Variants in PES1 observed in about 807,000 individuals in gnomAD.
The protein encoded by PES1 is pescadillo ribosomal biogenesis factor 1.
In PES1, 31 loss-of-function variants were observed where a neutral mutation model predicts 77.1. The ratio of observed to expected loss-of-function variants is 0.40; its 90% confidence interval spans 0.30 to 0.54. PES1 has a LOEUF of 0.54. PES1 is among the 20% of genes least tolerant of loss of function. The pLI is 0.45. For synonymous variants in PES1, 282 were observed against 303.0 expected, an observed-to-expected ratio of 0.93 and a Z score of 0.72; for missense variants, 658 against 771.7, an observed-to-expected ratio of 0.85 and a Z score of 1.75.
chr22:30,600,016 C>G (rs1193147312), intron 2 of PES1, among the ~76,000 whole-genome samples: 1 of 151,586 alleles, frequency 6.6e-6, no homozygotes, highest in African/African-American at 2.4e-5. Context: ...CATTAAATGC[C>G]TGGGTCATTT....
At chr22:30,577,742 T>C (rs1569019454) in intron 14 of PES1, among the ~76,000 whole-genome samples, 2 of 152,256 alleles carry the variant, frequency 1.3e-5, no homozygotes, top group South Asian at 4.1e-4. Context: ...GTGATCCTCC[T>C]GTCTTGGTAT....
At chr22:30,588,195 G>A (rs2087122329) in intron 2 of PES1, 21 bp from the exon 3 acceptor site, 1 of 1,614,050 alleles carries the variant, frequency 6.2e-7, no homozygotes, top group Non-Finnish European at 8.5e-7. Context: ...GAGGCCATCT[G>A]TTATGTCAGT....
At chr22:30,580,278 A>C in intron 10 of PES1, 100 bp from the exon 11 acceptor site, 10 of 1,451,972 alleles carry the variant, frequency 6.9e-6, no homozygotes, top group Non-Finnish European at 9.3e-6. Flanking sequence ...CCATAAACTC[A>C]CCCTCTTAGG....
intron 2 of PES1, among the ~76,000 whole-genome samples, chr22:30,596,936 G>C (rs2087261597): frequency 6.7e-6 from 1 of 149,142 alleles, no homozygotes; most frequent in Non-Finnish European, 1.5e-5. Flanking sequence ...GCGTGAGCTT[G>C]GCGGGCCCGC....
At chr22:30,599,383 G>A (rs1036027339) in intron 2 of PES1, among the ~76,000 whole-genome samples, 5 of 152,082 alleles carry the variant, frequency 3.3e-5, no homozygotes, top group Non-Finnish European at 7.3e-5. Flanking sequence ...TATAAACCCA[G>A]CCGAAACCAA....
chr22:30,591,974 A>G (rs1020150746), upstream of PES1: 4 of 1,389,014 alleles, frequency 2.9e-6, no homozygotes, highest in Non-Finnish European at 3.7e-6. Flanking sequence ...ATGCCTGTAC[A>G]AGTCCAGGGA....
intron 2 of PES1, among the ~76,000 whole-genome samples, chr22:30,602,687 G>A (rs1251347831): frequency 2.0e-5 from 3 of 151,932 alleles, no homozygotes; most frequent in Admixed American, 6.6e-5. Context: ...TTCTTTGATG[G>A]ACTATGCTTT....
intron 1 of PES1, among the ~76,000 whole-genome samples, 171 bp downstream of exon 1, chr22:30,591,639 C>A (rs1379613786): frequency 1.3e-5 from 2 of 152,180 alleles, no homozygotes; most frequent in South Asian, 2.1e-4. Context: ...TTTCACTAAA[C>A]GAATACTGCC....
At chr22:30,581,822 G>C (rs945069005) in intron 6 of PES1, among the ~76,000 whole-genome samples, 178 bp from the exon 7 acceptor site, 1 of 152,174 alleles carries the variant, frequency 6.6e-6, no homozygotes, top group African/African-American at 2.4e-5. Flanking sequence ...CCCACCAGGG[G>C]CGTTCCGGCC....
intron 2 of PES1, among the ~76,000 whole-genome samples, chr22:30,602,981 G>C (rs1348293779): frequency 6.6e-6 from 1 of 151,992 alleles, no homozygotes; most frequent in Non-Finnish European, 1.5e-5. Flanking sequence ...CGTAATCTTG[G>C]CTCACTGCAA....
At position 30,585,016 on chromosome 22, in the gene PES1, G is replaced by A. The variant is rs561765025; in HGVS notation, c.369-299C>T. 8.3e-4 allele frequency among the ~76,000 whole-genome samples: 127 copies of A among 152,268 alleles called. 1 individual carries two copies. The highest frequency in any genetic ancestry group is 3.4e-3 in the Middle Eastern group (1 of 294). ...ACGTGCGGATTTTGTGGTGCACGAC[G>A]GTAGACGGAGTCAGGGGCTCTATGA... is the stretch of plus-strand genomic sequence containing the variant. On this transcript the variant is annotated intron_variant, in intron 4 of 14. Transcript: ENST00000354694.
intron 2 of PES1, among the ~76,000 whole-genome samples, chr22:30,597,065 G>T (rs1392739892): frequency 6.6e-6 from 1 of 152,186 alleles, no homozygotes; most frequent in Non-Finnish European, 1.5e-5. Flanking sequence ...CCGGCGCTGC[G>T]CTCAATTTCT....
chr22:30,595,250 C>CG (rs1391307942), upstream of PES1, among the ~76,000 whole-genome samples: 1 of 151,930 alleles, frequency 6.6e-6, no homozygotes, highest in Non-Finnish European at 1.5e-5. Flanking sequence ...TTAAAGAACT[C>CG]GGAGACTGGC....
At chr22:30,577,970 C>T (rs1218505481) in intron 14 of PES1, among the ~76,000 whole-genome samples, 1 of 152,148 alleles carries the variant, frequency 6.6e-6, no homozygotes, top group Non-Finnish European at 1.5e-5. Flanking sequence ...ATGAGAAGTC[C>T]ATATTATGGT....
intron 2 of PES1, chr22:30,603,702 A>G (rs997389751): frequency 6.6e-6 from 1 of 152,198 alleles, no homozygotes; most frequent in Non-Finnish European, 1.5e-5. Context: ...ATTTTAATAT[A>G]TATACACTTT....
chr22:30,579,130 C>A lies in PES1; in HGVS notation c.1521+7G>T. The A allele has an allele frequency of 6.2e-7, 1 of 1,608,210 alleles. No homozygotes were observed. Among genetic ancestry groups the A allele is most frequent in the Non-Finnish European group, 8.5e-7 (1 of 1,179,868 alleles). On this transcript the variant is annotated splice_region_variant and intron_variant, in intron 13 of 14. Transcript: ENST00000354694. The stretch of plus-strand genomic sequence containing the variant: ...CAGGCCAAGCCCCGCATTGCAGCTC[C>A]CCCTACCTTCCCCTCCATCCTCTGC...
At position 30,588,043 on chromosome 22, in the gene PES1, A is replaced by C; in HGVS notation, c.236T>G (p.Val79Gly). 1 of 1,614,034 alleles carries C rather than the reference A, an allele frequency of 6.2e-7. No homozygotes were observed. The highest frequency in any genetic ancestry group is 8.5e-7 in the Non-Finnish European group (1 of 1,180,048). ...CACCTTGTATTCACGGAACTTGTTGACAATGGGTTCGTGGAGGAGAAACCT... is the reference window on the plus strand; with the variant it reads ...CACCTTGTATTCACGGAACTTGTTGCCAATGGGTTCGTGGAGGAGAAACCT... ...DIRFLLHEPI[V>G]NKFREYKVFV... The change falls in exon 3 of 15, where the codon GTC becomes GGC. Residue 79 changes from valine to glycine, a missense_variant. Physicochemically the swap from Val to Gly is moderately radical, Grantham distance 109. Transcript: ENST00000354694.
chr22:30,606,439 C>CA (rs947356985), intron 1 of PES1, among the ~76,000 whole-genome samples: 1 of 152,056 alleles, frequency 6.6e-6, no homozygotes, highest in Non-Finnish European at 1.5e-5. Flanking sequence ...TTTGTAGAGA[C>CA]AGTGTTTCCC....
chr22:30,580,570 C>T lies in PES1; in HGVS notation c.1043+1G>A. On this transcript the variant is annotated splice_donor_variant, in intron 10 of 14. Coordinates refer to ENST00000354694, the MANE Select transcript of PES1 (RefSeq NM_014303.4). LOFTEE classifies it high-confidence loss of function. Reference sequence around the variant, plus strand: ...GTCAGCGGGCCCTTGAGCCTCCCTACCTGATGATGAAGGCCAGGGCCTCAC... The same window carrying T: ...GTCAGCGGGCCCTTGAGCCTCCCTATCTGATGATGAAGGCCAGGGCCTCAC... The T allele has an allele frequency of 6.2e-7, 1 of 1,613,794 alleles. No homozygotes were observed. The highest frequency in any genetic ancestry group is 8.5e-7 in the Non-Finnish European group (1 of 1,179,998).
Sources: gnomAD v4.1 joint callset for allele counts (sites outside exome capture counted in the v4.1 genomes callset) on GRCh38, gnomAD v4.1.1 for gene constraint, MANE v1.5 for transcripts, NCBI Gene and HGNC (gene_info 2026-07-23, HGNC 2026-07-21) for gene names.